The following ARHGAP26 variants were observed in gnomAD, a reference collection of about 807,000 sequenced individuals.
ARHGAP26 encodes Rho GTPase activating protein 26, also known as rho GTPase-activating protein 26.
A neutral mutation model predicts 104.8 loss-of-function variants in ARHGAP26; 38 were observed. The observed-to-expected ratio is 0.36, with a 90% confidence interval of 0.28 to 0.48. The LOEUF (loss-of-function observed/expected upper bound fraction) is 0.48, where lower values mean the gene tolerates loss of function less well. Ranked by LOEUF, ARHGAP26 falls within the 20% of genes least tolerant of loss-of-function variation. ARHGAP26 has a pLI of 0.99. For synonymous variants in ARHGAP26, 341 were observed against 340.0 expected, an observed-to-expected ratio of 1.00 and a Z score of -0.03; for missense variants, 704 against 947.9, an observed-to-expected ratio of 0.74 and a Z score of 3.38.
chr5:143,066,293 C>T (rs1787470314), intron 17 of ARHGAP26, among the ~76,000 whole-genome samples: 1 of 152,192 alleles, frequency 6.6e-6, no homozygotes, highest in South Asian at 2.1e-4. Flanking sequence ...TGTGCAAATG[C>T]ACTCTATGAT....
intron 11 of ARHGAP26, among the ~76,000 whole-genome samples, chr5:142,987,479 C>T (rs570507516): frequency 4.6e-5 from 7 of 152,266 alleles, no homozygotes; most frequent in Admixed American, 4.6e-4. Context: ...TAATTCAATA[C>T]CTTTTATTTC....
intron 17 of ARHGAP26, among the ~76,000 whole-genome samples, chr5:143,114,623 C>G (rs1795188925): frequency 6.6e-6 from 1 of 152,148 alleles, no homozygotes; most frequent in African/African-American, 2.4e-5. Context: ...GTGATATTGA[C>G]TGCAGCTTAG....
chr5:143,133,984 CGATAT>C lies in ARHGAP26; in HGVS notation c.1718_1722del (p.Asp573AlafsTer16). Reference sequence around the variant, plus strand: ...GTTTGCAGATATTTAACACCGTGCCCGATATGCCTCTCACCAATGCCCAGCTGCAC... The same window carrying C: ...GTTTGCAGATATTTAACACCGTGCCCGCCTCTCACCAATGCCCAGCTGCAC... On this transcript the variant is annotated frameshift_variant, in exon 19 of 23. Coordinates refer to ENST00000645722, the MANE Select transcript of ARHGAP26 (RefSeq NM_001135608.3). LOFTEE classifies it high-confidence loss of function. 1 of 1,611,620 alleles carries C rather than the reference CGATAT, an allele frequency of 6.2e-7. No individual in the cohort carries two copies. The highest frequency in any genetic ancestry group is 8.5e-7 in the Non-Finnish European group (1 of 1,178,726).
chr5:143,029,318 G>C (rs981701809), intron 12 of ARHGAP26, among the ~76,000 whole-genome samples: 5 of 150,788 alleles, frequency 3.3e-5, no homozygotes, highest in East Asian at 3.9e-4. Flanking sequence ...TGCCCCTGAA[G>C]TGGCCTGCTC....
chr5:143,166,133 ATC>A, intron 20 of ARHGAP26: 1 of 1,284,792 alleles, frequency 7.8e-7, no homozygotes, highest in African/African-American at 1.5e-5. Flanking sequence ...TTCCAGTCAT[ATC>A]TCAATTAAAG....
At chr5:143,206,251 G>A (rs561155432) in intron 20 of ARHGAP26, among the ~76,000 whole-genome samples, 3 of 152,380 alleles carry the variant, frequency 2.0e-5, no homozygotes, top group Admixed American at 6.5e-5. Flanking sequence ...GGAGTGGCAA[G>A]TGGTGGTGTG....
At chr5:142,821,471 A>C (rs1766174820) in intron 1 of ARHGAP26, among the ~76,000 whole-genome samples, 6 of 151,932 alleles carry the variant, frequency 3.9e-5, no homozygotes, top group Admixed American at 3.9e-4. Flanking sequence ...CTTGACTTCC[A>C]TTATAGTCTC....
In ARHGAP26 at chr5:143,223,805, G is replaced by C. The variant is rs1811446167; in HGVS notation, c.*1359G>C. 4.3e-6 allele frequency: 1 copy of C among 232,312 alleles called. No homozygotes were observed. Among genetic ancestry groups the C allele is most frequent in the South Asian group, 1.8e-4 (1 of 5,526 alleles). 14.4% of individuals were successfully genotyped at this position (232,312 alleles called of 1,614,324 possible). On this transcript the variant is annotated 3_prime_UTR_variant, in exon 23 of 23. Coordinates refer to ENST00000645722, the MANE Select transcript of ARHGAP26 (RefSeq NM_001135608.3). ...GGTGGGATGAGTACCCTCTGAAAAAGGGAATTTGCTGGTGAAAAGAGGCTG... is the reference window on the plus strand; with the variant it reads ...GGTGGGATGAGTACCCTCTGAAAAACGGAATTTGCTGGTGAAAAGAGGCTG...
rs1410324413 is a variant in ARHGAP26 at position 143,228,598 on chromosome 5, T to C, written c.*6152T>C. 4.6e-6 allele frequency: 1 copy of C among 215,136 alleles called. No homozygotes were observed. Among genetic ancestry groups the C allele is most frequent in the African/African-American group, 2.3e-5 (1 of 44,346 alleles). 13.3% of individuals were successfully genotyped at this position (215,136 alleles called of 1,614,324 possible). A position where few individuals can be genotyped will look rare whatever the true frequency, so the allele number is the denominator to read the frequency against. On this transcript the variant is annotated 3_prime_UTR_variant, in exon 23 of 23. Transcript: ENST00000645722. Reference sequence around the variant, plus strand: ...TGTCCACATTTTGGAAAAGAAAATATTTGCATGTTTAATTCATAATTTAGG... The same window carrying C: ...TGTCCACATTTTGGAAAAGAAAATACTTGCATGTTTAATTCATAATTTAGG...
chr5:142,777,791 G>T (rs184353615), intron 1 of ARHGAP26, among the ~76,000 whole-genome samples: 1 of 152,290 alleles, frequency 6.6e-6, no homozygotes, highest in African/African-American at 2.4e-5. Flanking sequence ...AGTTGTGACT[G>T]TAGCAGAGTG....
chr5:142,988,614 T>C (rs1298150897), intron 11 of ARHGAP26, among the ~76,000 whole-genome samples: 1 of 152,240 alleles, frequency 6.6e-6, no homozygotes, highest in Non-Finnish European at 1.5e-5. Flanking sequence ...TCCTTCTTTC[T>C]CTTGTGGGCG....
At chr5:143,216,510 C>T in intron 22 of ARHGAP26, 2 of 325,746 alleles carry the variant, frequency 6.1e-6, no homozygotes, top group East Asian at 1.5e-4. Flanking sequence ...GGTCGGCAAA[C>T]TATGACCTGC....
At chr5:142,791,081 A>AG (rs1445239558) in intron 1 of ARHGAP26, among the ~76,000 whole-genome samples, 10 of 132,578 alleles carry the variant, frequency 7.5e-5, no homozygotes, top group Admixed American at 3.4e-4. Context: ...TTTGCTTTAA[A>AG]GTTTTTTTTT....
At chr5:143,147,180 C>T in intron 19 of ARHGAP26, 51 bp from the exon 20 acceptor site, 1 of 1,581,736 alleles carries the variant, frequency 6.3e-7, no homozygotes, top group Non-Finnish European at 8.6e-7. Flanking sequence ...TAGCAATAGA[C>T]TGTCCCTATG....
intron 12 of ARHGAP26, among the ~76,000 whole-genome samples, chr5:143,026,776 G>A (rs958555408): frequency 7.2e-6 from 1 of 138,890 alleles, no homozygotes; most frequent in African/African-American, 2.6e-5. Flanking sequence ...CTGGCTGCTG[G>A]TGGGGAATAA....
chr5:143,097,029 G>A (rs1015255007), intron 17 of ARHGAP26, among the ~76,000 whole-genome samples: 1 of 152,144 alleles, frequency 6.6e-6, no homozygotes, highest in Admixed American at 6.5e-5. Context: ...TGGATCACAT[G>A]TATCTCCATT....
chr5:143,119,668 C>T (rs1384018919), intron 17 of ARHGAP26, among the ~76,000 whole-genome samples: 1 of 152,174 alleles, frequency 6.6e-6, no homozygotes, highest in East Asian at 1.9e-4. Context: ...GCAGGTGTTG[C>T]TTAGCAATCA....
At chr5:142,872,298 A>G (rs1421981811) in intron 1 of ARHGAP26, among the ~76,000 whole-genome samples, 2 of 152,314 alleles carry the variant, frequency 1.3e-5, no homozygotes, top group East Asian at 3.9e-4. Context: ...CTTTTATTCT[A>G]GTAGCTTATG....
At chr5:142,940,116 T>A in intron 11 of ARHGAP26, among the ~76,000 whole-genome samples, 1 of 152,224 alleles carries the variant, frequency 6.6e-6, no homozygotes, top group Admixed American at 6.5e-5. Context: ...TTTGCTATGA[T>A]GCATCCCAGG....
Sources: allele counts gnomAD v4.1 joint callset (sites outside exome capture counted in the v4.1 genomes callset), GRCh38; gene constraint gnomAD v4.1.1; transcripts MANE v1.5; gene names NCBI Gene and HGNC (gene_info 2026-07-23, HGNC 2026-07-21).